Variants in OTUD7B observed in about 807,000 individuals in gnomAD.
OTUD7B encodes the protein OTU domain-containing protein 7B.
In OTUD7B, 34 loss-of-function variants were observed where a neutral mutation model predicts 82.2. The ratio of observed to expected loss-of-function variants is 0.41; its 90% confidence interval spans 0.31 to 0.55. The LOEUF is 0.55. Ranked by LOEUF, OTUD7B falls within the 20% of genes least tolerant of loss-of-function variation. OTUD7B has a pLI of 0.20. For missense variants in OTUD7B, 944 were observed against 1,062.1 expected, an observed-to-expected ratio of 0.89 and a Z score of 1.55; for synonymous variants, 398 against 402.7, an observed-to-expected ratio of 0.99 and a Z score of 0.14.
At chr1:149,947,161 G>T (rs1377683398) in intron 11 of OTUD7B, 90 bp downstream of exon 11, 1 of 729,280 alleles carries the variant, frequency 1.4e-6, no homozygotes, top group South Asian at 1.7e-5. Context: ...ACTCAGAATA[G>T]ATTCAGAAGG....
intron 7 of OTUD7B, among the ~76,000 whole-genome samples, chr1:149,955,793 TG>T (rs1648624794): frequency 6.6e-6 from 1 of 152,126 alleles, no homozygotes; most frequent in Non-Finnish European, 1.5e-5. Flanking sequence ...CATTATGTAA[TG>T]GCCTTGTCTC....
the OTUD7B span, among the ~76,000 whole-genome samples, chr1:150,052,748 C>A: frequency 2.6e-5 from 4 of 151,544 alleles, no homozygotes; most frequent in Admixed American, 6.6e-5. Context: ...CATTACCTGA[C>A]TTCAAACTAT....
chr1:149,997,638 T>C (rs587630526), intron 1 of OTUD7B, among the ~76,000 whole-genome samples: 169 of 152,268 alleles, frequency 1.1e-3, no homozygotes, highest in Middle Eastern at 0.01. Context: ...ATATGACGAA[T>C]TGAATCTCAG....
chr1:149,971,089 A>T lies in OTUD7B; in HGVS notation c.248T>A (p.Leu83His), dbSNP rs1553777519. ...REPTRPPRPI[L>H]QRQDDIVQEK... Reference sequence around the variant, plus strand: ...TTGAACGATGTCATCCTGCCGCTGGAGGATGGGTCGGGGAGGGCGAGTAGG... The same window carrying T: ...TTGAACGATGTCATCCTGCCGCTGGTGGATGGGTCGGGGAGGGCGAGTAGG... The change falls in exon 3 of 12, where the codon CTC (leucine) becomes CAC (histidine). Residue 83 changes from leucine to histidine, a missense_variant. Leu to His is a moderately conservative substitution (Grantham distance 99, BLOSUM62 -3). Around this residue, in one of 3 missense-constraint regions of OTUD7B, gnomAD observed 530 missense variants for 625.6 expected, o/e 0.85. Coordinates refer to ENST00000581312, the MANE Select transcript of OTUD7B (RefSeq NM_020205.4). The T allele has an allele frequency of 6.2e-7, 1 of 1,609,822 alleles. No homozygotes were observed.
At chr1:149,962,948 T>C (rs1482102366) in intron 6 of OTUD7B, 2 of 152,240 alleles carry the variant, frequency 1.3e-5, no homozygotes, top group African/African-American at 2.4e-5. Flanking sequence ...CAAGTACTTA[T>C]GTGGCCTTGC....
At position 149,971,074 on chromosome 1, in the gene OTUD7B, T is replaced by C. The variant is rs782250197; in HGVS notation, c.263A>G (p.Asp88Gly). The C allele has an allele frequency of 6.2e-7, 1 of 1,607,012 alleles. No individual in the cohort carries two copies. The highest frequency in any genetic ancestry group is 1.1e-5 in the South Asian group (1 of 90,488). Residue 88 changes from aspartate to glycine, a missense_variant, in exon 3 of 12, where the codon GAC (aspartate) becomes GGC (glycine). Physicochemically the swap from Asp to Gly is moderately conservative, Grantham distance 94. Coordinates refer to ENST00000581312, the MANE Select transcript of OTUD7B (RefSeq NM_020205.4). ...PPRPILQRQD[D>G]IVQEKRLSRG... ...AGTCACCCCAGTACCTTGAACGATG[T>C]CATCCTGCCGCTGGAGGATGGGTCG...
chr1:149,974,568 TAGA>T (rs1650172270), intron 2 of OTUD7B, among the ~76,000 whole-genome samples: 1 of 119,520 alleles, frequency 8.4e-6, no homozygotes, highest in South Asian at 2.5e-4. Flanking sequence ...TTTTTTTTTG[TAGA>T]CAGAGTCTCA....
the OTUD7B span, among the ~76,000 whole-genome samples, chr1:150,021,379 G>A: frequency 6.6e-6 from 1 of 152,200 alleles, no homozygotes; most frequent in Non-Finnish European, 1.5e-5. Flanking sequence ...AACAAAGCCA[G>A]AGGGTGAATG....
chr1:149,977,409 C>T lies in OTUD7B; in HGVS notation c.85+17G>A. The T allele has an allele frequency of 6.4e-7, 1 of 1,568,020 alleles. No individual in the cohort carries two copies. Among genetic ancestry groups the T allele is most frequent in the African/African-American group, 1.3e-5 (1 of 74,130 alleles). The stretch of plus-strand genomic sequence containing the variant: ...ATTTTACTTTCTCTTTTCTCATTCT[C>T]CCCTACAACTCCTCACCTTCTAGGA... On this transcript the variant is annotated intron_variant, in intron 2 of 11. Transcript: ENST00000581312.
the OTUD7B span, among the ~76,000 whole-genome samples, chr1:150,047,076 A>G: frequency 6.6e-6 from 1 of 151,486 alleles, no homozygotes; most frequent in Admixed American, 6.6e-5. Context: ...GTCTTGGAAA[A>G]AAAACAAAGT....
chr1:150,043,299 TGTTAGGACCCG>T, the OTUD7B span, among the ~76,000 whole-genome samples: 1 of 152,108 alleles, frequency 6.6e-6, no homozygotes, highest in African/African-American at 2.4e-5. Flanking sequence ...GGTAAAAAGG[TGTTAGGACCCG>T]TGTCATATAA....
At chr1:149,949,114 T>G (rs1553772770) in intron 9 of OTUD7B, 31 bp from the exon 10 acceptor site, 5 of 1,338,556 alleles carry the variant, frequency 3.7e-6, no homozygotes, top group Non-Finnish European at 5.4e-6. Flanking sequence ...CATCAAGGAA[T>G]CTCCTTAAGA....
In OTUD7B at chr1:149,964,908, T is replaced by TG. The variant is rs1440037902; in HGVS notation, c.605-560_605-559insC. Among the ~76,000 whole-genome samples, 1,329 of 140,014 alleles carry TG rather than the reference T, an allele frequency of 9.5e-3. 14 individuals are homozygous for TG. The highest frequency in any genetic ancestry group is 0.013 in the Admixed American group (190 of 14,324). The allele number at this position is 140,014 out of a possible 152,430, so 91.9% of individuals were successfully genotyped here. The stretch of plus-strand genomic sequence containing the variant: ...CACGCCTGACCTTTTTTTTTTTTTG[T>TG]AGACAGAGTCTTGCTTTGTTGCCCA... On this transcript the variant is annotated intron_variant, in intron 5 of 11. Transcript: ENST00000581312.
chr1:150,000,839 C>A (rs1652231731), intron 1 of OTUD7B, among the ~76,000 whole-genome samples: 1 of 151,548 alleles, frequency 6.6e-6, no homozygotes, highest in Admixed American at 6.6e-5. Flanking sequence ...ATTACCTGGG[C>A]ACTGTGGCAC....
chr1:150,028,516 G>A, the OTUD7B span, among the ~76,000 whole-genome samples: 1 of 152,008 alleles, frequency 6.6e-6, no homozygotes, highest in African/African-American at 2.4e-5. Context: ...CAATATTGTT[G>A]TGCAATCATG....
intron 10 of OTUD7B, 54 bp downstream of exon 10, chr1:149,948,915 A>G: frequency 8.6e-7 from 1 of 1,160,650 alleles, no homozygotes; most frequent in East Asian, 2.3e-5. Context: ...GATGGATGCC[A>G]CATGTGGAAG....
At chr1:149,975,123 T>C (rs1412452104) in intron 2 of OTUD7B, among the ~76,000 whole-genome samples, 2 of 152,208 alleles carry the variant, frequency 1.3e-5, no homozygotes, top group East Asian at 1.9e-4. Flanking sequence ...GGCCCTTGCA[T>C]AAACTGTTTA....
chr1:149,949,541 T>A, intron 9 of OTUD7B, 88 bp downstream of exon 9: 2 of 1,358,458 alleles, frequency 1.5e-6, no homozygotes, highest in Non-Finnish European at 2.1e-6. Context: ...TGGGCTTGCA[T>A]GTCACTTAAT....
At chr1:149,961,210 T>C (rs1649137709) in intron 6 of OTUD7B, 1 of 152,206 alleles carries the variant, frequency 6.6e-6, no homozygotes, top group Non-Finnish European at 1.5e-5. Context: ...AGTAGCTCAC[T>C]TTCTGTCAAC....
Sources: gnomAD v4.1 joint callset for allele counts (sites outside exome capture counted in the v4.1 genomes callset) on GRCh38, gnomAD v4.1.1 for gene constraint, gnomAD v4.1.1 regional missense constraint, MANE v1.5 for transcripts, NCBI Gene and HGNC (gene_info 2026-07-23, HGNC 2026-07-21) for gene names.